Variants in MAGEC3 observed in about 807,000 individuals in gnomAD.
MAGEC3 encodes MAGE family member C3.
MAGEC3 carries 34 observed loss-of-function variants against 35.3 expected under a neutral mutation model. The observed-to-expected ratio is 0.96, with a 90% CI of 0.73 to 1.28. The LOEUF (loss-of-function observed/expected upper bound fraction) is 1.28. Ranked by LOEUF, MAGEC3 falls within the 50% of genes most tolerant of loss-of-function variation. MAGEC3 has a pLI of 0.00. For missense variants in MAGEC3, 561 were observed against 483.6 expected (o/e 1.16, Z -1.50); for synonymous variants, 202 against 185.6 (o/e 1.09, Z -0.72).
rs745574386 is a variant in MAGEC3, at chrX:141,895,289, G to A, written c.930G>A (p.Gly310=). Reference sequence around the variant, plus strand: ...GTCAGCCCTGGTCAGCCTTGGCAGGGTTCGCGGATGTGCTTTCCCGACTTG... The same window carrying A: ...GTCAGCCCTGGTCAGCCTTGGCAGGATTCGCGGATGTGCTTTCCCGACTTG... The part of the protein sequence containing the change: ...NAIGPWSALA[G]FADVLSRLAL... The change falls in exon 5 of 8, where the codon GGG becomes GGA. Residue 310 remains glycine, a synonymous_variant. Transcript: ENST00000298296. The A allele has an allele frequency of 6.6e-6, 8 of 1,210,630 alleles. No homozygotes were observed. In the Admixed American group the frequency reaches 1.7e-4, roughly 26 times the overall value.
intron 1 of MAGEC3, among the ~76,000 whole-genome samples, chrX:141,841,945 T>C (rs1253810027): frequency 1.8e-5 from 2 of 111,796 alleles, no homozygotes; most frequent in Non-Finnish European, 3.8e-5. Flanking sequence ...GAACTGTGTG[T>C]TTAAAATGAT....
At chrX:141,839,754 C>T (rs1432538375) in intron 1 of MAGEC3, 2 of 734,676 alleles carry the variant, frequency 2.7e-6, no homozygotes, top group East Asian at 1.5e-4. Flanking sequence ...CTGTTCTTAA[C>T]TCAGTGGTTC....
chrX:141,841,429 G>C (rs1188650520), intron 1 of MAGEC3, among the ~76,000 whole-genome samples: 1 of 111,486 alleles, frequency 9.0e-6, no homozygotes, highest in Non-Finnish European at 1.9e-5. Context: ...TATTACCTGG[G>C]TGATGAAATA....
rs1440001127 is a variant in MAGEC3 at position 141,881,555 on chromosome X, C to T, written c.668C>T (p.Pro223Leu). The stretch of plus-strand genomic sequence containing the variant: ...ATCAACACATACACGGGCTACTTTC[C>T]TATGATCTTCAGGAAAGCCCGTGAG... ...NVINTYTGYF[P>L]MIFRKAREFI... The change falls in exon 4 of 8, where the codon CCT (proline) becomes CTT (leucine). Residue 223 changes from proline (P) to leucine (L), a missense_variant. Transcript: ENST00000298296. The T allele has an allele frequency of 8.3e-7, 1 of 1,211,467 alleles. No homozygotes were observed. The highest frequency in any genetic ancestry group is 1.1e-6 in the Non-Finnish European group (1 of 895,312).
intron 2 of MAGEC3, among the ~76,000 whole-genome samples, chrX:141,870,549 C>G (rs1361561698): frequency 1.8e-5 from 2 of 111,422 alleles, no homozygotes; most frequent in African/African-American, 3.3e-5. Flanking sequence ...AAACCATTCA[C>G]TTTATTTTAT....
At chrX:141,850,093 GC>G (rs765810894) in intron 1 of MAGEC3, among the ~76,000 whole-genome samples, 242 of 111,411 alleles carry the variant, frequency 2.2e-3, no homozygotes, top group Non-Finnish European at 3.4e-3. Flanking sequence ...GGAGCTGGAA[GC>G]CATTATGCTA....
intron 1 of MAGEC3, among the ~76,000 whole-genome samples, chrX:141,861,356 C>T (rs140925948): frequency 0.01 from 1,133 of 111,003 alleles, 6 homozygotes; most frequent in Non-Finnish European, 0.016. Context: ...ATAACCATAC[C>T]TGCCAAAGAA....
intron 1 of MAGEC3, among the ~76,000 whole-genome samples, chrX:141,850,573 C>T (rs1421422380): frequency 9.0e-6 from 1 of 110,769 alleles, no homozygotes; most frequent in Non-Finnish European, 1.9e-5. Context: ...AATACCCCCA[C>T]ACATTATGGA....
At chrX:141,860,571 A>G (rs2017809114) in intron 1 of MAGEC3, among the ~76,000 whole-genome samples, 1 of 112,116 alleles carries the variant, frequency 8.9e-6, no homozygotes, top group African/African-American at 3.2e-5. Flanking sequence ...AAGATGAGTG[A>G]ATAAACAAGA....
chrX:141,854,547 A>G (rs758580446), intron 1 of MAGEC3, among the ~76,000 whole-genome samples: 156 of 110,808 alleles, frequency 1.4e-3, no homozygotes, highest in Non-Finnish European at 2.6e-3. Flanking sequence ...AGGAGATCTG[A>G]TGGTTTGATC....
chrX:141,866,556 G>A (rs748761995), intron 2 of MAGEC3, among the ~76,000 whole-genome samples: 2 of 112,296 alleles, frequency 1.8e-5, no homozygotes, highest in Non-Finnish European at 3.8e-5. Context: ...AGCCTACAGC[G>A]CTTGTACTCT....
At chrX:141,869,212 ACCATT>A (rs943939550) in intron 2 of MAGEC3, among the ~76,000 whole-genome samples, 6 of 111,298 alleles carry the variant, frequency 5.4e-5, no homozygotes, top group African/African-American at 2.0e-4. Context: ...AGGAGAGCAT[ACCATT>A]CCAGTTAAAG....
chrX:141,894,844 G>T (rs1219602684), intron 4 of MAGEC3: 9 of 928,954 alleles, frequency 9.7e-6, no homozygotes, highest in Non-Finnish European at 1.2e-5. Context: ...CGAAGGGCAG[G>T]GAAGTGGACA....
chrX:141,845,195 T>G (rs5908057), intron 1 of MAGEC3, among the ~76,000 whole-genome samples: 54,360 of 109,537 alleles, frequency 0.5, 10,009 homozygotes, highest in Middle Eastern at 0.58. Flanking sequence ...TACTTATAAT[T>G]TCATTTAGAT....
chrX:141,878,620 G>A (rs2017935636), intron 2 of MAGEC3, among the ~76,000 whole-genome samples: 1 of 112,159 alleles, frequency 8.9e-6, no homozygotes, highest in East Asian at 2.8e-4. Context: ...CAGATCATGA[G>A]AGGTGAAGGG....
At chrX:141,889,738 C>A (rs2018027590) in intron 4 of MAGEC3, among the ~76,000 whole-genome samples, 1 of 111,725 alleles carries the variant, frequency 9.0e-6, no homozygotes, top group Non-Finnish European at 1.9e-5. Flanking sequence ...TGGCCCAGAA[C>A]CTTCAGGAAT....
At chrX:141,839,327 G>T (rs2017672377) in intron 1 of MAGEC3, 13 of 622,085 alleles carry the variant, frequency 2.1e-5, no homozygotes, top group Non-Finnish European at 2.5e-5. Flanking sequence ...AGTACAAAAT[G>T]CCTCTAGTCT....
At chrX:141,860,767 G>A (rs2017810511) in intron 1 of MAGEC3, among the ~76,000 whole-genome samples, 1 of 112,073 alleles carries the variant, frequency 8.9e-6, no homozygotes, top group South Asian at 3.7e-4. Context: ...CAGACAGAAA[G>A]TAGAATGGCA....
intron 1 of MAGEC3, among the ~76,000 whole-genome samples, chrX:141,846,257 C>T (rs771207138): frequency 6.3e-4 from 67 of 106,308 alleles, no homozygotes; most frequent in Non-Finnish European, 1.2e-3. Context: ...CACTCCTTTT[C>T]CAACTGATAG....
Sources: gnomAD v4.1 joint callset for allele counts (sites outside exome capture counted in the v4.1 genomes callset) on GRCh38, gnomAD v4.1.1 for gene constraint, MANE v1.5 for transcripts, NCBI Gene and HGNC (gene_info 2026-07-23, HGNC 2026-07-21) for gene names.